CXCL1: variants seen among roughly 807,000 people sequenced by gnomAD.
CXCL1 encodes the protein growth-regulated alpha protein.
CXCL1 carries 9 observed loss-of-function variants against 11.7 expected under a neutral mutation model. That is an observed-to-expected ratio of 0.77 (90% CI 0.46 to 1.34). The LOEUF (loss-of-function observed/expected upper bound fraction) is 1.34. Ranked by LOEUF, CXCL1 falls within the 40% of genes most tolerant of loss-of-function variation. The probability of loss-of-function intolerance (pLI) is 0.00; values close to 1 mark genes in which losing one functional copy is unlikely to be tolerated. For synonymous variants in CXCL1, 78 were observed against 59.1 expected (o/e 1.32, Z -1.47); for missense variants, 146 against 138.1 (o/e 1.06, Z -0.29).
In CXCL1 at chr4:73,869,533, G is replaced by A. The variant is rs1197491329; in HGVS notation, c.63G>A (p.Leu21=). The A allele has an allele frequency of 6.2e-7, 1 of 1,605,878 alleles. No individual in the cohort carries two copies. The highest frequency in any genetic ancestry group is 1.3e-5 in the African/African-American group (1 of 74,760). ...CCCGGCTCCTGCGAGTGGCACTGCT[G>A]CTCCTGCTCCTGGTAGCCGCTGGCC... ...SNPRLLRVAL[L]LLLLVAAGRR... is the part of the protein sequence containing the mutation. Residue 21 remains leucine, a synonymous_variant, in exon 1 of 4, where the codon CTG becomes CTA. Coordinates refer to ENST00000395761, the MANE Select transcript of CXCL1 (RefSeq NM_001511.4).
chr4:73,869,827 G>T (rs201576888), intron 2 of CXCL1, 35 bp downstream of exon 2: 2 of 1,613,334 alleles, frequency 1.2e-6, no homozygotes, highest in Non-Finnish European at 1.7e-6. Context: ...TGCCACCGCC[G>T]GGGTCCCAGA....
chr4:73,870,747 G>C lies in CXCL1; in HGVS notation c.*211G>C. ...ATATTTTAGGTGTAAAATAATTAAG[G>C]GTATGATTAACTCTACCTGCACACT... On this transcript the variant is annotated 3_prime_UTR_variant, in exon 4 of 4. Transcript: ENST00000395761. The C allele has an allele frequency of 1.8e-6, 1 of 563,226 alleles. No homozygotes were observed. The highest frequency in any genetic ancestry group is 2.3e-5 in the South Asian group (1 of 42,618). 34.9% of individuals were successfully genotyped at this position (563,226 alleles called of 1,614,324 possible). A position where few individuals can be genotyped will look rare whatever the true frequency, so the allele number is the denominator to read the frequency against.
At chr4:73,870,463 G>A (rs56078309) in intron 3 of CXCL1, 58 bp from the exon 4 acceptor site, 128,905 of 1,608,902 alleles carry the variant, frequency 0.08, 5,917 homozygotes, top group Non-Finnish European at 0.093. Context: ...CAGGAGAAGA[G>A]TGTTGTGCAA....
intron 3 of CXCL1, 56 bp from the exon 4 acceptor site, chr4:73,870,465 G>A (rs1731923185): frequency 1.2e-6 from 2 of 1,610,366 alleles, no homozygotes; most frequent in African/African-American, 1.3e-5. Context: ...GGAGAAGAGT[G>A]TTGTGCAATC....
chr4:73,869,591 G>T, intron 1 of CXCL1, 21 bp downstream of exon 1: 1 of 1,612,714 alleles, frequency 6.2e-7, no homozygotes, highest in East Asian at 2.2e-5. Context: ...GCGCCCTGGG[G>T]TCCCCGGGCC....
rs868556627 is a variant in CXCL1 at position 73,870,581 on chromosome 4, G to A, written c.*45G>A. Reference sequence around the variant, plus strand: ...TCACTGGTGGCTGTTCCTGAAGGAGGCCCTGCCCTTATAGGAACAGAAGAG... The same window carrying A: ...TCACTGGTGGCTGTTCCTGAAGGAGACCCTGCCCTTATAGGAACAGAAGAG... On this transcript the variant is annotated 3_prime_UTR_variant, in exon 4 of 4. Transcript: ENST00000395761. The A allele has an allele frequency of 3.1e-6, 5 of 1,612,368 alleles. No homozygotes were observed. In the Middle Eastern group the frequency reaches 5.2e-4, roughly 169 times the overall value.
chr4:73,870,082 G>C, intron 3 of CXCL1, 93 bp downstream of exon 3: 2 of 1,277,034 alleles, frequency 1.6e-6, no homozygotes, highest in Admixed American at 2.1e-5. Context: ...GAAAACCCAG[G>C]GGTTAGTTGA....
At position 73,869,515 on chromosome 4, in the gene CXCL1, C is replaced by T; in HGVS notation, c.45C>T (p.Leu15=). 5.6e-6 allele frequency: 9 copies of T among 1,597,930 alleles called. No homozygotes were observed. The highest frequency in any genetic ancestry group is 7.7e-6 in the Non-Finnish European group (9 of 1,172,244). The change falls in exon 1 of 4, where the codon CTC becomes CTT. Residue 15 remains leucine (L), a synonymous_variant. Transcript: ENST00000395761. ...ALSAAPSNPR[L]LRVALLLLLL... ...CCGCCGCCCCCAGCAATCCCCGGCTCCTGCGAGTGGCACTGCTGCTCCTGC... is the reference window on the plus strand; with the variant it reads ...CCGCCGCCCCCAGCAATCCCCGGCTTCTGCGAGTGGCACTGCTGCTCCTGC...
chr4:73,870,619 C>T lies in CXCL1; in HGVS notation c.*83C>T. The T allele has an allele frequency of 1.9e-6, 3 of 1,566,636 alleles. No individual in the cohort carries two copies. Among genetic ancestry groups the T allele is most frequent in the Non-Finnish European group, 2.6e-6 (3 of 1,143,760 alleles). ...AGGAACAGAAGAGGAAAGAGAGACA[C>T]AGCTGCAGAGGCCACCTGGATTGTG... is the stretch of plus-strand genomic sequence containing the variant. On this transcript the variant is annotated 3_prime_UTR_variant, in exon 4 of 4. Transcript: ENST00000395761.
In CXCL1 at chr4:73,870,532, A is replaced by G. The variant is rs1731926612; in HGVS notation, c.320A>G (p.Asn107Ser). The G allele has an allele frequency of 6.2e-7, 1 of 1,613,756 alleles. No individual in the cohort carries two copies. Among genetic ancestry groups the G allele is most frequent in the Admixed American group, 1.7e-5 (1 of 59,986 alleles). The change falls in exon 4 of 4, where the codon AAC becomes AGC. Residue 107 changes from asparagine to serine, a missense_variant. By Grantham distance (46) the Asn-to-Ser change is conservative. Coordinates refer to ENST00000395761, the MANE Select transcript of CXCL1 (RefSeq NM_001511.4). ...IEKMLNSDKSN is the reference protein window; with the variant it reads ...IEKMLNSDKSS The stretch of plus-strand genomic sequence containing the variant: ...TTTTCTCATTGCAGTGACAAATCCA[A>G]CTGACCAGAAGGGAGGAGGAAGCTC...
At chr4:73,869,644 AG>A in intron 1 of CXCL1, 24 bp from the exon 2 acceptor site, 1 of 1,613,944 alleles carries the variant, frequency 6.2e-7, no homozygotes, top group East Asian at 2.2e-5. Context: ...AGCCTCGCTC[AG>A]TCAGTGAGTC....
intron 3 of CXCL1, 32 bp from the exon 4 acceptor site, chr4:73,870,489 A>G (rs1465133311): frequency 6.2e-7 from 1 of 1,613,668 alleles, no homozygotes; most frequent in Non-Finnish European, 8.5e-7. Context: ...TTTCCCGAGC[A>G]CCTACTCAGG....
chr4:73,870,011 C>T (rs1287525405), intron 3 of CXCL1, 22 bp downstream of exon 3: 1 of 1,611,010 alleles, frequency 6.2e-7, no homozygotes, highest in Admixed American at 1.7e-5. Context: ...TTTCCATGTA[C>T]ACAGGCGACT....
At position 73,869,743 on chromosome 4, in the gene CXCL1, A is replaced by C. The variant is rs1560521322; in HGVS notation, c.175A>C (p.Ser59Arg). Residue 59 changes from serine to arginine, a missense_variant, in exon 2 of 4, where the codon AGT becomes CGT. Ser to Arg is a moderately radical substitution (Grantham distance 110, BLOSUM62 -1). Transcript: ENST00000395761. ...LQGIHPKNIQ[S>R]VNVKSPGPHC... The stretch of plus-strand genomic sequence containing the variant: ...GGGAATTCACCCCAAGAACATCCAA[A>C]GTGTGAACGTGAAGTCCCCCGGACC... 1 of 1,614,050 alleles carries C rather than the reference A, an allele frequency of 6.2e-7. No individual in the cohort carries two copies. Among genetic ancestry groups the C allele is most frequent in the Non-Finnish European group, 8.5e-7 (1 of 1,179,980 alleles).
chr4:73,869,864 C>T, intron 2 of CXCL1, 42 bp from the exon 3 acceptor site: 5 of 1,614,028 alleles, frequency 3.1e-6, no homozygotes, highest in Non-Finnish European at 4.2e-6. Flanking sequence ...ACCCTGTCCC[C>T]AGCCCGACCT....
At position 73,870,625 on chromosome 4, in the gene CXCL1, C is replaced by T; in HGVS notation, c.*89C>T. ...AGAAGAGGAAAGAGAGACACAGCTG[C>T]AGAGGCCACCTGGATTGTGCCTAAT... is the stretch of plus-strand genomic sequence containing the variant. On this transcript the variant is annotated 3_prime_UTR_variant, in exon 4 of 4. Transcript: ENST00000395761. The T allele has an allele frequency of 5.3e-6, 8 of 1,499,920 alleles. No homozygotes were observed. Among genetic ancestry groups the T allele is most frequent in the Non-Finnish European group, 7.4e-6 (8 of 1,085,842 alleles). The allele number at this position is 1,499,920 out of a possible 1,614,324, so 92.9% of individuals were successfully genotyped here.
chr4:73,870,665 C>G lies in CXCL1; in HGVS notation c.*129C>G. ...TTGTGCCTAATGTGTTTGAGCATCG[C>G]TTAGGAGAAGTCTTCTATTTATTTA... On this transcript the variant is annotated 3_prime_UTR_variant, in exon 4 of 4. Coordinates refer to ENST00000395761, the MANE Select transcript of CXCL1 (RefSeq NM_001511.4). 1.0e-6 allele frequency: 1 copy of G among 989,866 alleles called. No homozygotes were observed. Among genetic ancestry groups the G allele is most frequent in the Non-Finnish European group, 1.5e-6 (1 of 668,726 alleles). 61.3% of individuals were successfully genotyped at this position (989,866 alleles called of 1,614,324 possible). A position where few individuals can be genotyped will look rare whatever the true frequency, so the allele number is the denominator to read the frequency against.
rs775446151 is a variant in CXCL1, at chr4:73,869,795, A to G, written c.224+3A>G. ...CACTGCGCCCAAACCGAAGTCATGT[A>G]AGTCCCGCCCCGCGCTGCCTCTGCC... On this transcript the variant is annotated splice_donor_region_variant and intron_variant, in intron 2 of 3. Transcript: ENST00000395761. 4.6e-5 allele frequency: 74 copies of G among 1,613,650 alleles called. 1 individual carries two copies. The Admixed American group carries it at 1.2e-3, about 26-fold the overall frequency.
rs1178797905 is a variant in CXCL1 at position 73,871,091 on chromosome 4, G to A, written c.*555G>A. 3 of 153,176 alleles carry A rather than the reference G, an allele frequency of 2.0e-5. No homozygotes were observed. Among genetic ancestry groups the A allele is most frequent in the Non-Finnish European group, 4.4e-5 (3 of 68,690 alleles). The allele number at this position is 153,176 out of a possible 1,614,324, so 9.5% of individuals were successfully genotyped here. On this transcript the variant is annotated 3_prime_UTR_variant, in exon 4 of 4. Coordinates refer to ENST00000395761, the MANE Select transcript of CXCL1 (RefSeq NM_001511.4). ...ATGTTGAAACTTTAAGAACTAAAAT[G>A]TTCTAAATATCCCTTGGACATTTTA...
Sources: gnomAD v4.1 joint callset for allele counts on GRCh38, gnomAD v4.1.1 for gene constraint, MANE v1.5 for transcripts, NCBI Gene and HGNC (gene_info 2026-07-23, HGNC 2026-07-21) for gene names.